The following GATA4 variants were observed in gnomAD, a reference collection of about 807,000 sequenced individuals.
The protein encoded by GATA4 is GATA binding protein 4.
A neutral mutation model predicts 37.9 loss-of-function variants in GATA4; 7 were observed. The ratio of observed to expected loss-of-function variants is 0.18; its 90% CI spans 0.11 to 0.35. The LOEUF (loss-of-function observed/expected upper bound fraction) is 0.35. GATA4 is among the 10% of genes least tolerant of loss of function. GATA4 has a pLI of 1.00. For synonymous variants in GATA4, 372 were observed against 292.6 expected, an observed-to-expected ratio of 1.27 and a Z score of -2.77; for missense variants, 647 against 653.0, an observed-to-expected ratio of 0.99 and a Z score of 0.10.
chr8:11,753,573 C>T (rs1169290103), intron 4 of GATA4, among the ~76,000 whole-genome samples: 1 of 148,136 alleles, frequency 6.8e-6, no homozygotes, highest in East Asian at 2.0e-4. Context: ...TGGGTTTGAA[C>T]ATTTGAGGCA....
intron 1 of GATA4, chr8:11,680,554 G>A: frequency 6.1e-6 from 6 of 985,436 alleles, no homozygotes; most frequent in Non-Finnish European, 7.2e-6. Context: ...CTTCGTGGTC[G>A]CACGCTGGTG....
At chr8:11,732,445 T>A (rs1173814473) in intron 2 of GATA4, among the ~76,000 whole-genome samples, 2 of 152,204 alleles carry the variant, frequency 1.3e-5, no homozygotes, top group African/African-American at 4.8e-5. Context: ...TTTGTAAATG[T>A]TTGATTTGCT....
At chr8:11,691,694 C>G (rs911298935), upstream of GATA4, among the ~76,000 whole-genome samples, 5 of 152,148 alleles carry the variant, frequency 3.3e-5, no homozygotes, top group African/African-American at 1.2e-4. Flanking sequence ...ATCCTGACTC[C>G]CAGACCAAGG....
At chr8:11,699,907 T>TA (rs530558074), upstream of GATA4, among the ~76,000 whole-genome samples, 295 of 152,372 alleles carry the variant, frequency 1.9e-3, 1 homozygote, top group African/African-American at 6.5e-3. Context: ...GAACAATTTT[T>TA]AAAAGACAGT....
At chr8:11,687,254 G>A (rs1474190529) in intron 1 of GATA4, among the ~76,000 whole-genome samples, 6 of 152,078 alleles carry the variant, frequency 3.9e-5, no homozygotes, top group African/African-American at 9.7e-5. Flanking sequence ...TTTTCTTATC[G>A]CTGTACCATT....
chr8:11,757,062 G>C lies in GATA4; in HGVS notation c.1128G>C (p.Gly376=), dbSNP rs781488882. ...KTEPGLSSHY[G]HSSSVSQTFS... Reference sequence around the variant, plus strand: ...AGCCTGGCCTGTCATCTCACTACGGGCACAGCAGCTCCGTGTCCCAGGTAC... The same window carrying C: ...AGCCTGGCCTGTCATCTCACTACGGCCACAGCAGCTCCGTGTCCCAGGTAC... Residue 376 remains glycine, a synonymous_variant, in exon 6 of 7, where the codon GGG becomes GGC. Transcript: ENST00000532059. 6.2e-7 allele frequency: 1 copy of C among 1,614,154 alleles called. No individual in the cohort carries two copies. The highest frequency in any genetic ancestry group is 8.5e-7 in the Non-Finnish European group (1 of 1,180,016).
chr8:11,681,512 G>A (rs1401615355), intron 1 of GATA4: 121 of 960,544 alleles, frequency 1.3e-4, no homozygotes, highest in Non-Finnish European at 1.4e-4. Flanking sequence ...GGGGGGGATG[G>A]GGTCGGTCCC....
At chr8:11,750,743 G>C (rs1218733645) in intron 4 of GATA4, among the ~76,000 whole-genome samples, 1 of 134,984 alleles carries the variant, frequency 7.4e-6, no homozygotes, top group Non-Finnish European at 1.5e-5. Context: ...AACCAACCTG[G>C]ACAACATGGT....
chr8:11,718,762 C>G (rs1334918406), intron 2 of GATA4, among the ~76,000 whole-genome samples: 1 of 152,224 alleles, frequency 6.6e-6, no homozygotes, highest in African/African-American at 2.4e-5. Context: ...ATTTCTACTT[C>G]TAGAAATCCA....
chr8:11,697,259 G>A (rs1040370238), intron 1 of GATA4, among the ~76,000 whole-genome samples: 1 of 152,250 alleles, frequency 6.6e-6, no homozygotes, highest in Non-Finnish European at 1.5e-5. Flanking sequence ...CACACGCACA[G>A]GACTAACGAG....
chr8:11,693,071 T>C, intron 1 of GATA4: 1 of 985,306 alleles, frequency 1.0e-6, no homozygotes, highest in East Asian at 1.1e-4. Flanking sequence ...AGCGTTTTTC[T>C]ACCCGGCAAC....
At chr8:11,751,755 A>T (rs1416421869) in intron 4 of GATA4, among the ~76,000 whole-genome samples, 1 of 152,216 alleles carries the variant, frequency 6.6e-6, no homozygotes, top group Non-Finnish European at 1.5e-5. Flanking sequence ...CCTGAAAATG[A>T]CCATGAAAGT....
At chr8:11,751,368 C>G (rs1161628790) in intron 4 of GATA4, among the ~76,000 whole-genome samples, 3 of 152,060 alleles carry the variant, frequency 2.0e-5, no homozygotes, top group African/African-American at 7.2e-5. Context: ...TCCACATATA[C>G]AGAACACCTC....
chr8:11,755,038 C>T lies in GATA4; in HGVS notation c.913-8C>T, dbSNP rs1585698522. On this transcript the variant is annotated splice_polypyrimidine_tract_variant and splice_region_variant and intron_variant, in intron 4 of 6. Coordinates refer to ENST00000532059, the MANE Select transcript of GATA4 (RefSeq NM_001308093.3). ...GAAAACCCTATATATTTACTTGTGA[C>T]CCTCCAGGTCCCCAGGCCTCTTGCA... 1 of 1,611,780 alleles carries T rather than the reference C, an allele frequency of 6.2e-7. No homozygotes were observed. Among genetic ancestry groups the T allele is most frequent in the Non-Finnish European group, 8.5e-7 (1 of 1,177,946 alleles).
At position 11,728,391 on chromosome 8, in the gene GATA4, C is replaced by T. The variant is rs570927454; in HGVS notation, c.616+19463C>T. Among the ~76,000 whole-genome samples, 15 of 152,072 alleles carry T rather than the reference C, an allele frequency of 9.9e-5. No individual in the cohort carries two copies. The South Asian group carries it at 2.3e-3, about 23-fold the overall frequency. ...TTTATTTTTGGTTTTGTTTTTGAAACAGGGTTTTGCTCTGATGCTCAGGCT... is the reference window on the plus strand; with the variant it reads ...TTTATTTTTGGTTTTGTTTTTGAAATAGGGTTTTGCTCTGATGCTCAGGCT... On this transcript the variant is annotated intron_variant, in intron 2 of 6. Transcript: ENST00000532059.
intron 2 of GATA4, among the ~76,000 whole-genome samples, chr8:11,743,863 C>G (rs1801888880): frequency 6.6e-6 from 1 of 152,194 alleles, no homozygotes; most frequent in Admixed American, 6.5e-5. Flanking sequence ...AGAAATCAGA[C>G]TATCAGACTT....
At chr8:11,740,306 A>T (rs1046253840) in intron 2 of GATA4, among the ~76,000 whole-genome samples, 3 of 152,240 alleles carry the variant, frequency 2.0e-5, no homozygotes, top group African/African-American at 7.2e-5. Context: ...TGAGGTCTGC[A>T]GAGGGTGGCC....
chr8:11,751,775 G>T lies in GATA4; in HGVS notation c.912+1539G>T, dbSNP rs79717430. 8.9e-3 allele frequency among the ~76,000 whole-genome samples: 1,362 copies of T among 152,264 alleles called. 21 individuals carry two copies. The highest frequency in any genetic ancestry group is 0.031 in the African/African-American group (1,284 of 41,538). On this transcript the variant is annotated intron_variant, in intron 4 of 6. Coordinates refer to ENST00000532059, the MANE Select transcript of GATA4 (RefSeq NM_001308093.3). ...AAATGACCATGAAAGTCCCTAGTTT[G>T]CCCATATACTTGGCAAAAATTAAAG...
At chr8:11,691,433 T>C (rs961367633), upstream of GATA4, among the ~76,000 whole-genome samples, 9 of 152,188 alleles carry the variant, frequency 5.9e-5, no homozygotes, top group African/African-American at 2.2e-4. Context: ...TCCTGGTAAC[T>C]GGGACTACAG....
Sources: allele counts gnomAD v4.1 joint callset (sites outside exome capture counted in the v4.1 genomes callset), GRCh38; gene constraint gnomAD v4.1.1; transcripts MANE v1.5; gene names NCBI Gene and HGNC (gene_info 2026-07-23, HGNC 2026-07-21).